The following NF1 variants were observed in gnomAD, a reference collection of about 807,000 sequenced individuals.
NF1 encodes the protein neurofibromin.
NF1 carries 122 observed loss-of-function variants against 325.7 expected under a neutral mutation model. The observed-to-expected ratio is 0.37, with a 90% CI of 0.32 to 0.44. NF1 has a LOEUF of 0.44. NF1 is among the 20% of genes least tolerant of loss of function. The pLI, the probability that NF1 is intolerant of heterozygous loss-of-function variation, is 1.00. For missense variants in NF1, 2,140 were observed against 3,415.4 expected (o/e 0.63, Z 9.31); for synonymous variants, 1,091 against 1,186.0 (o/e 0.92, Z 1.65).
intron 3 of NF1, among the ~76,000 whole-genome samples, chr17:31,162,306 G>A (rs1567817453): frequency 6.6e-6 from 1 of 151,782 alleles, no homozygotes; most frequent in Non-Finnish European, 1.5e-5. Flanking sequence ...GCAAAACCCC[G>A]TCTCTACTAA....
chr17:31,227,163 A>G, intron 18 of NF1, 55 bp from the exon 19 acceptor site: 3 of 1,571,566 alleles, frequency 1.9e-6, no homozygotes, highest in Non-Finnish European at 2.6e-6. Context: ...CAGGTTCTCC[A>G]TTGGCAGGCA....
chr17:31,139,229 G>T (rs1241857246), intron 1 of NF1, among the ~76,000 whole-genome samples: 1 of 152,074 alleles, frequency 6.6e-6, no homozygotes, highest in Non-Finnish European at 1.5e-5. Flanking sequence ...TGTATTTTTA[G>T]TAGAGATGAG....
At chr17:31,327,380 G>C in intron 37 of NF1, 119 bp from the exon 38 acceptor site, 2 of 727,604 alleles carry the variant, frequency 2.7e-6, no homozygotes, top group Non-Finnish European at 4.9e-6. Flanking sequence ...ACAATGGTGG[G>C]AACTCTTCCT....
chr17:31,318,269 A>T, intron 36 of NF1: 1 of 1,566,662 alleles, frequency 6.4e-7, no homozygotes, highest in Non-Finnish European at 8.6e-7. Context: ...TTTACTCCAT[A>T]AGCCTTCTCA....
chr17:31,161,155 T>C (rs1418792356), intron 3 of NF1, among the ~76,000 whole-genome samples: 1 of 152,214 alleles, frequency 6.6e-6, no homozygotes, highest in Non-Finnish European at 1.5e-5. Flanking sequence ...ATGTTATGAG[T>C]GCAATTTTGT....
At chr17:31,126,452 C>G (rs1289954483) in intron 1 of NF1, among the ~76,000 whole-genome samples, 1 of 151,816 alleles carries the variant, frequency 6.6e-6, no homozygotes, top group Non-Finnish European at 1.5e-5. Flanking sequence ...AGATCTAATT[C>G]TCTTGTTTTT....
chr17:31,281,416 G>GAA (rs11437600), intron 36 of NF1, among the ~76,000 whole-genome samples: 1 of 151,778 alleles, frequency 6.6e-6, no homozygotes, highest in African/African-American at 2.4e-5. Context: ...TATAATGCTA[G>GAA]AAAAAAGTCT....
chr17:31,115,695 C>G (rs1471932906), intron 1 of NF1, among the ~76,000 whole-genome samples: 1 of 152,128 alleles, frequency 6.6e-6, no homozygotes, highest in Non-Finnish European at 1.5e-5. Context: ...CTGCATAACC[C>G]TTTTTCTGTG....
chr17:31,184,483 A>G (rs2066195733), intron 8 of NF1, among the ~76,000 whole-genome samples: 1 of 151,216 alleles, frequency 6.6e-6, no homozygotes. Flanking sequence ...CCCTGTCTCT[A>G]CTAAAAATAC....
At chr17:31,243,993 T>A (rs551042271) in intron 29 of NF1, among the ~76,000 whole-genome samples, 2 of 152,200 alleles carry the variant, frequency 1.3e-5, no homozygotes, top group African/African-American at 4.8e-5. Flanking sequence ...CTATCCCTCC[T>A]GGTTGTTCAG....
At chr17:31,227,857 C>T (rs1191711618) in intron 20 of NF1, among the ~76,000 whole-genome samples, 5 of 152,098 alleles carry the variant, frequency 3.3e-5, no homozygotes, top group Non-Finnish European at 5.9e-5. Context: ...GTAACCACAT[C>T]GCAAGTACCA....
intron 5 of NF1, among the ~76,000 whole-genome samples, chr17:31,174,197 A>G (rs1665939065): frequency 6.6e-6 from 1 of 152,374 alleles, no homozygotes; most frequent in East Asian, 1.9e-4. Context: ...AACTTAAAGA[A>G]GAAGAAATTA....
intron 1 of NF1, among the ~76,000 whole-genome samples, chr17:31,131,402 G>A (rs1239822622): frequency 3.3e-5 from 5 of 152,144 alleles, no homozygotes; most frequent in Admixed American, 2.6e-4. Context: ...GAGTCACTGG[G>A]GGCCAGGAAA....
chr17:31,232,042 A>ATT, intron 24 of NF1, 31 bp from the exon 25 acceptor site: 11 of 1,025,574 alleles, frequency 1.1e-5, no homozygotes, highest in South Asian at 6.2e-5. Context: ...ATGGTCTCTA[A>ATT]ATTTTTTTTT....
chr17:31,149,570 T>C (rs1916795033), intron 1 of NF1, among the ~76,000 whole-genome samples: 1 of 152,162 alleles, frequency 6.6e-6, no homozygotes, highest in African/African-American at 2.4e-5. Flanking sequence ...AAAGATTTAT[T>C]CAGACCAGCG....
intron 36 of NF1, among the ~76,000 whole-genome samples, chr17:31,302,597 T>G (rs1261747147): frequency 6.6e-6 from 1 of 152,118 alleles, no homozygotes; most frequent in Non-Finnish European, 1.5e-5. Flanking sequence ...ATCCCAGCAC[T>G]TTGAGAGGCC....
intron 36 of NF1, among the ~76,000 whole-genome samples, chr17:31,319,755 G>T (rs201017375): frequency 8.5e-6 from 1 of 117,848 alleles, no homozygotes; most frequent in East Asian, 2.8e-4. Context: ...AAAATCTGAA[G>T]AAAAAAAAAA....
Position 31,327,759 on chromosome 17 carries a change from C to A in NF1, c.5529C>A (p.Thr1843=), listed in dbSNP as rs2151541673. The part of the protein sequence containing the change: ...LSQPDSIPQH[T]KIRPKDVPGT... The stretch of plus-strand genomic sequence containing the variant: ...AGCCCGACTCTATCCCCCAACACAC[C>A]AAGATTCGGCCAAAAGATGTCCCTG... Residue 1843 remains threonine (T), a synonymous_variant, in exon 38 of 58, where the codon ACC becomes ACA. Coordinates refer to ENST00000358273, the MANE Select transcript of NF1 (RefSeq NM_001042492.3). The A allele has an allele frequency of 6.2e-7, 1 of 1,614,116 alleles. No homozygotes were observed. Among genetic ancestry groups the A allele is most frequent in the Non-Finnish European group, 8.5e-7 (1 of 1,179,974 alleles).
intron 1 of NF1, 166 bp downstream of exon 1, chr17:31,095,535 G>A (rs1408011784): frequency 1.5e-6 from 1 of 666,820 alleles, no homozygotes. Context: ...TGGCCAAGGC[G>A]GGAGGTGAGG....
Sources: gnomAD v4.1 joint callset for allele counts (sites outside exome capture counted in the v4.1 genomes callset) on GRCh38, gnomAD v4.1.1 for gene constraint, MANE v1.5 for transcripts, NCBI Gene and HGNC (gene_info 2026-07-23, HGNC 2026-07-21) for gene names.